SYNE1: variants seen among roughly 807,000 people sequenced by gnomAD.
The protein encoded by SYNE1 is nesprin-1.
SYNE1 carries 616 observed loss-of-function variants against 1,111.0 expected under a neutral mutation model. The ratio of observed to expected loss-of-function variants is 0.55; its 90% CI spans 0.52 to 0.59. The LOEUF (loss-of-function observed/expected upper bound fraction) is 0.59. Among genes scored for constraint, SYNE1 ranks in the 20% least tolerant of loss-of-function variants. The pLI, the probability that SYNE1 is intolerant of heterozygous loss-of-function variation, is 0.00. For missense variants in SYNE1, 10,006 were observed against 10,417.0 expected (o/e 0.96, Z 1.72); for synonymous variants, 3,855 against 3,825.8 (o/e 1.01, Z -0.28).
chr6:152,323,498 G>GGC lies in SYNE1; in HGVS notation c.15895_15896dup (p.Met5300ProfsTer7). ...ATTACTTCAGGCACCGATCTTGCATGGCGGTGATTTCCTGCATGAGCGGAG... is the reference window on the plus strand; with the variant it reads ...ATTACTTCAGGCACCGATCTTGCATGGCGCGGTGATTTCCTGCATGAGCGGAG... On this transcript the variant is annotated frameshift_variant, in exon 82 of 146. Transcript: ENST00000367255. LOFTEE classifies it high-confidence loss of function. The GGC allele has an allele frequency of 6.2e-7, 1 of 1,614,012 alleles. No individual in the cohort carries two copies. The highest frequency in any genetic ancestry group is 8.5e-7 in the Non-Finnish European group (1 of 1,180,034).
chr6:152,375,318 A>G (rs1217398529), intron 58 of SYNE1, among the ~76,000 whole-genome samples: 2 of 152,226 alleles, frequency 1.3e-5, no homozygotes, highest in Non-Finnish European at 2.9e-5. Flanking sequence ...CAAGAATTTA[A>G]AAAGGTGAAC....
Position 152,325,240 on chromosome 6 carries a change from T to G in SYNE1, c.15501A>C (p.Ser5167=). Residue 5167 remains serine (S), a synonymous_variant, in exon 81 of 146, where the codon TCA becomes TCC. Coordinates refer to ENST00000367255, the MANE Select transcript of SYNE1 (RefSeq NM_182961.4). Reference sequence around the variant, plus strand: ...CATCATTTCCGGTTTTCTCCAGTTGTGAAGCTTTTTCCTCAAGGGCCACAA... The same window carrying G: ...CATCATTTCCGGTTTTCTCCAGTTGGGAAGCTTTTTCCTCAAGGGCCACAA... ...EKIVALEEKA[S]QLEKTGNDAS... 6.2e-7 allele frequency: 1 copy of G among 1,614,188 alleles called. No homozygotes were observed. The highest frequency in any genetic ancestry group is 1.3e-5 in the African/African-American group (1 of 75,050).
chr6:152,288,699 C>T (rs559952632), intron 95 of SYNE1, among the ~76,000 whole-genome samples: 1 of 152,270 alleles, frequency 6.6e-6, no homozygotes, highest in South Asian at 2.1e-4. Context: ...GGCTGCACCA[C>T]CACGCCCAGC....
chr6:152,626,981 T>C (rs962928426), intron 3 of SYNE1, among the ~76,000 whole-genome samples: 3 of 152,212 alleles, frequency 2.0e-5, no homozygotes, highest in African/African-American at 7.2e-5. Context: ...CAAATTAATA[T>C]CATTGATACT....
At chr6:152,632,267 C>A (rs557349939) in intron 2 of SYNE1, among the ~76,000 whole-genome samples, 1 of 152,162 alleles carries the variant, frequency 6.6e-6, no homozygotes, top group Admixed American at 6.5e-5. Flanking sequence ...TAATACTTTA[C>A]ATTTATGAGA....
chr6:152,558,394 T>C (rs1172497161), intron 3 of SYNE1, among the ~76,000 whole-genome samples: 1 of 151,722 alleles, frequency 6.6e-6, no homozygotes, highest in Non-Finnish European at 1.5e-5. Context: ...AGACAAAGAG[T>C]GGCCAAATGG....
intron 91 of SYNE1, among the ~76,000 whole-genome samples, chr6:152,303,352 A>G (rs1040722888): frequency 3.3e-5 from 5 of 151,396 alleles, no homozygotes; most frequent in African/African-American, 1.2e-4. Flanking sequence ...GCAGTGAGCC[A>G]AGATTGTGCC....
intron 3 of SYNE1, among the ~76,000 whole-genome samples, chr6:152,560,385 G>A (rs2099391331): frequency 6.6e-6 from 1 of 151,688 alleles, no homozygotes; most frequent in African/African-American, 2.4e-5. Flanking sequence ...AATAAAAGAA[G>A]AAGAAGAAAT....
At chr6:152,279,920 C>T (rs75856808) in intron 97 of SYNE1, among the ~76,000 whole-genome samples, 2,009 of 151,820 alleles carry the variant, frequency 0.013, 51 homozygotes, top group African/African-American at 0.047. Flanking sequence ...TTTAGAGCCC[C>T]AAGAAAATGT....
At chr6:152,541,004 G>T (rs1348837544) in intron 3 of SYNE1, among the ~76,000 whole-genome samples, 1 of 152,156 alleles carries the variant, frequency 6.6e-6, no homozygotes, top group East Asian at 1.9e-4. Flanking sequence ...GCTAAGCTTT[G>T]CATGGACTCC....
At position 152,425,194 on chromosome 6, in the gene SYNE1, G is replaced by A. The variant is rs139159731; in HGVS notation, c.5267+187C>T. The stretch of plus-strand genomic sequence containing the variant: ...TTATTTTAAGACTAAATTTTGTATT[G>A]GGATTCATCAGAAATGCTCAGTTTT... On this transcript the variant is annotated intron_variant, in intron 39 of 145. Transcript: ENST00000367255. 2.2e-4 allele frequency among the ~76,000 whole-genome samples: 34 copies of A among 152,170 alleles called. No individual in the cohort carries two copies. In the East Asian group the frequency reaches 5.0e-3, roughly 22 times the overall value.
intron 106 of SYNE1, among the ~76,000 whole-genome samples, chr6:152,243,731 C>T (rs1273408036): frequency 6.6e-6 from 1 of 152,194 alleles, no homozygotes; most frequent in East Asian, 1.9e-4. Flanking sequence ...ACTCACAACC[C>T]TGTACTGGAC....
At chr6:152,365,926 C>T (rs562988497) in intron 62 of SYNE1, among the ~76,000 whole-genome samples, 1 of 152,322 alleles carries the variant, frequency 6.6e-6, no homozygotes, top group South Asian at 2.1e-4. Context: ...AAATTTCTCA[C>T]ACACTACGCT....
intron 3 of SYNE1, among the ~76,000 whole-genome samples, chr6:152,608,981 A>C (rs1275748713): frequency 6.6e-6 from 1 of 152,092 alleles, no homozygotes; most frequent in Non-Finnish European, 1.5e-5. Context: ...CTGATTTTGA[A>C]AGATTTTTCC....
chr6:152,238,514 A>G (rs995084302), intron 108 of SYNE1, among the ~76,000 whole-genome samples: 3 of 152,204 alleles, frequency 2.0e-5, no homozygotes, highest in Non-Finnish European at 2.9e-5. Context: ...GGAATTCCAC[A>G]TCAGGGAATT....
rs1161750776 is a variant in SYNE1 at position 152,249,275 on chromosome 6, G to A, written c.19471-13C>T. ...CTTTCAGATCATTCTAAGGAGGAAAGCAACGGGAAAACTCAAAATGTGTAA... is the reference window on the plus strand; with the variant it reads ...CTTTCAGATCATTCTAAGGAGGAAAACAACGGGAAAACTCAAAATGTGTAA... On this transcript the variant is annotated splice_polypyrimidine_tract_variant and intron_variant, in intron 104 of 145. Coordinates refer to ENST00000367255, the MANE Select transcript of SYNE1 (RefSeq NM_182961.4). The A allele has an allele frequency of 6.6e-7, 1 of 1,526,570 alleles. No homozygotes were observed. Among genetic ancestry groups the A allele is most frequent in the Non-Finnish European group, 9.1e-7 (1 of 1,100,434 alleles). The allele number at this position is 1,526,570 out of a possible 1,614,324, so 94.6% of individuals were successfully genotyped here. A position where few individuals can be genotyped will look rare whatever the true frequency, so the allele number is the denominator to read the frequency against.
In SYNE1 at chr6:152,135,133, T is replaced by A. The variant is rs1331308267; in HGVS notation, c.25759A>T (p.Ile8587Leu). The A allele has an allele frequency of 1.9e-6, 3 of 1,614,066 alleles. No homozygotes were observed. Among genetic ancestry groups the A allele is most frequent in the Non-Finnish European group, 2.5e-6 (3 of 1,180,036 alleles). The change falls in exon 142 of 146, where the codon ATA becomes TTA. Residue 8587 changes from isoleucine (I) to leucine (L), a missense_variant. Around this residue, in one of 7 missense-constraint regions of SYNE1, gnomAD observed 761 missense variants for 795.5 expected, o/e 0.96. Coordinates refer to ENST00000367255, the MANE Select transcript of SYNE1 (RefSeq NM_182961.4). ...VPIDSNLDAE[I>L]LQDHHKQLMQ... The stretch of plus-strand genomic sequence containing the variant: ...AGCTGTTTGTGATGGTCCTGAAGTA[T>A]CTCTGCATCAAGGTTAGAATCAATA...
intron 6 of SYNE1, 77 bp downstream of exon 6, chr6:152,520,382 A>G: frequency 7.2e-7 from 1 of 1,383,210 alleles, no homozygotes; most frequent in Non-Finnish European, 1.0e-6. Flanking sequence ...ATCTGACTAC[A>G]GATAGGAGCC....
chr6:152,605,613 AG>A (rs1413203277), intron 3 of SYNE1, among the ~76,000 whole-genome samples: 2 of 152,228 alleles, frequency 1.3e-5, no homozygotes, highest in African/African-American at 4.8e-5. Context: ...CCTGTACTTG[AG>A]GCTGAGTCAA....
Sources: gnomAD v4.1 joint callset for allele counts (sites outside exome capture counted in the v4.1 genomes callset) on GRCh38, gnomAD v4.1.1 for gene constraint, gnomAD v4.1.1 regional missense constraint, MANE v1.5 for transcripts, NCBI Gene and HGNC (gene_info 2026-07-23, HGNC 2026-07-21) for gene names.